Variants in COL7A1 observed in about 807,000 individuals in gnomAD.
The protein encoded by COL7A1 is collagen type VII alpha 1 chain.
In COL7A1, 296 loss-of-function variants were observed where a neutral mutation model predicts 456.2. The observed-to-expected ratio is 0.65, with a 90% confidence interval of 0.59 to 0.71. COL7A1 has a LOEUF of 0.71. Ranked by LOEUF, COL7A1 falls within the 30% of genes least tolerant of loss-of-function variation. COL7A1 has a pLI of 0.00. For missense variants in COL7A1, 3,441 were observed against 4,017.2 expected (o/e 0.86, Z 3.88); for synonymous variants, 1,464 against 1,525.9 (o/e 0.96, Z 0.95).
In COL7A1 at chr3:48,593,574, A is replaced by T; in HGVS notation, c.389T>A (p.Val130Asp). ...AGGTCGGGCCAGCTGGGGCAGGAAG[A>T]CATGGTCAGCCACATGGAGAATTGC... is the stretch of plus-strand genomic sequence containing the variant. ...GAAILHVADHVFLPQLARPGV... is the reference protein window; with the variant it reads ...GAAILHVADHDFLPQLARPGV... The change falls in exon 4 of 119, where the codon GTC becomes GAC. Residue 130 changes from valine to aspartate, a missense_variant. Val to Asp is a radical substitution (Grantham distance 152). Around this residue, in one of 3 missense-constraint regions of COL7A1, gnomAD observed 913 missense variants for 1,088.2 expected, o/e 0.84. Coordinates refer to ENST00000681320, the MANE Select transcript of COL7A1 (RefSeq NM_000094.4). The surrounding 1 kb of genome is among the most constrained non-coding windows in gnomAD (Gnocchi z 4.4). 6.2e-7 allele frequency: 1 copy of T among 1,614,172 alleles called. No homozygotes were observed. The highest frequency in any genetic ancestry group is 8.5e-7 in the Non-Finnish European group (1 of 1,180,024).
rs2045174729 is a variant in COL7A1 at position 48,585,501 on chromosome 3, C to A, written c.3894+56G>T. The A allele has an allele frequency of 1.1e-5, 18 of 1,580,552 alleles. No homozygotes were observed. Among genetic ancestry groups the A allele is most frequent in the Non-Finnish European group, 1.4e-5 (16 of 1,151,254 alleles). ...GCTTCTTCCTTCTCTCTTGTAAAAA[C>A]CCCGAGACAGCTTTGAGGAGTGCCT... On this transcript the variant is annotated intron_variant, in intron 32 of 118. Transcript: ENST00000681320. This position sits in a 1 kb window ranked among gnomAD's most constrained non-coding sequence, Gnocchi z 4.5.
In COL7A1 at chr3:48,594,310, T is replaced by C. The variant is rs969690347; in HGVS notation, c.266+58A>G. 1 of 1,586,112 alleles carries C rather than the reference T, an allele frequency of 6.3e-7. No individual in the cohort carries two copies. The highest frequency in any genetic ancestry group is 1.1e-5 in the South Asian group (1 of 90,494). ...GGGTTTCCAGGGTCTCCTCCCTCTC[T>C]GGGGAAGGAGTCTTGGTGGGGATCT... On this transcript the variant is annotated intron_variant, in intron 3 of 118. Coordinates refer to ENST00000681320, the MANE Select transcript of COL7A1 (RefSeq NM_000094.4). The surrounding 1 kb of genome is among the most constrained non-coding windows in gnomAD (Gnocchi z 5.5).
At position 48,590,202 on chromosome 3, in the gene COL7A1, C is replaced by A. The variant is rs1559430977; in HGVS notation, c.2050+11G>T. ...GAGGCAGAGAGCCAAGGGACGGGGG[C>A]AGGGCCTGACCCGTTCGAGCCACGA... On this transcript the variant is annotated intron_variant, in intron 16 of 118. Coordinates refer to ENST00000681320, the MANE Select transcript of COL7A1 (RefSeq NM_000094.4). This position sits in a 1 kb window ranked among gnomAD's most constrained non-coding sequence, Gnocchi z 4.6. 1 of 1,611,392 alleles carries A rather than the reference C, an allele frequency of 6.2e-7. No individual in the cohort carries two copies. Among genetic ancestry groups the A allele is most frequent in the East Asian group, 2.2e-5 (1 of 44,830 alleles).
In COL7A1 at chr3:48,566,374, G is replaced by A; in HGVS notation, c.8359-59C>T. 3.1e-6 allele frequency: 5 copies of A among 1,603,126 alleles called. No homozygotes were observed. Among genetic ancestry groups the A allele is most frequent in the Non-Finnish European group, 3.4e-6 (4 of 1,172,902 alleles). On this transcript the variant is annotated intron_variant, in intron 113 of 118. Coordinates refer to ENST00000681320, the MANE Select transcript of COL7A1 (RefSeq NM_000094.4). This position sits in a 1 kb window ranked among gnomAD's most constrained non-coding sequence, Gnocchi z 5.9. ...CCCATGGCCCACAGGAAGGACATAG[G>A]GCACATAATACAGGGACTATGGTGA...
In COL7A1 at chr3:48,582,297, C is replaced by T. The variant is rs969382899; in HGVS notation, c.4635+26G>A. ...CACTGCTCAAGGGCTGTGCTGTGCT[C>T]AGAGCGCCATCCTCCCGTCACTCAC... On this transcript the variant is annotated intron_variant, in intron 47 of 118. Coordinates refer to ENST00000681320, the MANE Select transcript of COL7A1 (RefSeq NM_000094.4). 3 of 1,613,792 alleles carry T rather than the reference C, an allele frequency of 1.9e-6. No individual in the cohort carries two copies. The African/African-American group carries it at 4.0e-5, about 22-fold the overall frequency.
chr3:48,582,288 T>G, intron 47 of COL7A1, 35 bp downstream of exon 47: 1 of 1,613,816 alleles, frequency 6.2e-7, no homozygotes, highest in Non-Finnish European at 8.5e-7. Flanking sequence ...TCAAGGGCTG[T>G]GCTGTGCTCA....
At position 48,588,850 on chromosome 3, in the gene COL7A1, G is replaced by A; in HGVS notation, c.2440+20C>T. The A allele has an allele frequency of 6.2e-7, 1 of 1,613,460 alleles. No homozygotes were observed. The highest frequency in any genetic ancestry group is 8.5e-7 in the Non-Finnish European group (1 of 1,180,038). ...GCAGTCCCAGCCAGGAAGGACAGGG[G>A]TGGCGTCAGGGAGCCATACCTTCAC... On this transcript the variant is annotated intron_variant, in intron 19 of 118. Transcript: ENST00000681320. This position sits in a 1 kb window ranked among gnomAD's most constrained non-coding sequence, Gnocchi z 4.6.
rs201597369 is a variant in COL7A1, at chr3:48,584,910, C to G, written c.4011G>C (p.Pro1337=). ...SPGLPGPRGD[P]GERGPRGPKG... Reference sequence around the variant, plus strand: ...GAGCAAAGAAGGGAAGGCACCTTACCGGGTCCCCACGAGGGCCAGGCAACC... The same window carrying G: ...GAGCAAAGAAGGGAAGGCACCTTACGGGGTCCCCACGAGGGCCAGGCAACC... Residue 1337 remains proline, a splice_region_variant and synonymous_variant, in exon 34 of 119, where the codon CCG becomes CCC. Transcript: ENST00000681320. 1.2e-6 allele frequency: 2 copies of G among 1,613,992 alleles called. No homozygotes were observed. The highest frequency in any genetic ancestry group is 1.7e-6 in the Non-Finnish European group (2 of 1,180,000).
At position 48,588,053 on chromosome 3, in the gene COL7A1, A is replaced by C; in HGVS notation, c.2711-114T>G. On this transcript the variant is annotated intron_variant, in intron 21 of 118. Transcript: ENST00000681320. This position sits in a 1 kb window ranked among gnomAD's most constrained non-coding sequence, Gnocchi z 4.6. ...TTAACTGGGTTCACCCTCCTGACTG[A>C]TCTTCCTCATCCTCACTGACCCTGC... 7.2e-7 allele frequency: 1 copy of C among 1,379,862 alleles called. No homozygotes were observed. The highest frequency in any genetic ancestry group is 9.9e-7 in the Non-Finnish European group (1 of 1,011,532). The allele number at this position is 1,379,862 out of a possible 1,614,324, so 85.5% of individuals were successfully genotyped here. A position where few individuals can be genotyped will look rare whatever the true frequency, so the allele number is the denominator to read the frequency against.
Position 48,567,691 on chromosome 3 carries a change from T to C in COL7A1, c.7983+19A>G. ...CCGTCCACCCGTGGCCCCCTCATTC[T>C]GAGCGTGCCCACACTCACCATCTCT... On this transcript the variant is annotated intron_variant, in intron 108 of 118. Transcript: ENST00000681320. The surrounding 1 kb of genome is among the most constrained non-coding windows in gnomAD (Gnocchi z 4.3). 1 of 1,614,080 alleles carries C rather than the reference T, an allele frequency of 6.2e-7. No individual in the cohort carries two copies. Among genetic ancestry groups the C allele is most frequent in the Non-Finnish European group, 8.5e-7 (1 of 1,180,006 alleles).
Position 48,589,589 on chromosome 3 carries a change from C to T in COL7A1, c.2170+10G>A. 6.2e-7 allele frequency: 1 copy of T among 1,613,602 alleles called. No homozygotes were observed. Among genetic ancestry groups the T allele is most frequent in the South Asian group, 1.1e-5 (1 of 91,068 alleles). Reference sequence around the variant, plus strand: ...CCCTGACCTGCCCCCTCCCAAACCCCAGTCCCCACCGTGGGCTGAGTGCCA... The same window carrying T: ...CCCTGACCTGCCCCCTCCCAAACCCTAGTCCCCACCGTGGGCTGAGTGCCA... On this transcript the variant is annotated intron_variant, in intron 17 of 118. Transcript: ENST00000681320.
At chr3:48,582,187 G>A in intron 47 of COL7A1, 136 bp downstream of exon 47, 1 of 1,518,342 alleles carries the variant, frequency 6.6e-7, no homozygotes, top group African/African-American at 1.4e-5. Context: ...GCAGGTTCTA[G>A]CAGAAGGAGA....
In COL7A1 at chr3:48,571,644, C is replaced by T. The variant is rs930966129; in HGVS notation, c.7068+357G>A. 2.8e-5 allele frequency: 18 copies of T among 652,684 alleles called. No individual in the cohort carries two copies. The highest frequency in any genetic ancestry group is 1.1e-4 in the African/African-American group (6 of 56,080). The allele number at this position is 652,684 out of a possible 1,614,324, so 40.4% of individuals were successfully genotyped here. A position where few individuals can be genotyped will look rare whatever the true frequency, so the allele number is the denominator to read the frequency against. On this transcript the variant is annotated intron_variant, in intron 92 of 118. Transcript: ENST00000681320. This position sits in a 1 kb window ranked among gnomAD's most constrained non-coding sequence, Gnocchi z 4.6. The stretch of plus-strand genomic sequence containing the variant: ...AGAGCAGGCATGGCCACAGGCTGAA[C>T]GCTGGCAGCCAGGGGCAGGGGAAAG...
In COL7A1 at chr3:48,573,124, CAAGGAGTGA is replaced by C; in HGVS notation, c.6714+41_6714+49del. On this transcript the variant is annotated intron_variant, in intron 85 of 118. Transcript: ENST00000681320. This position sits in a 1 kb window ranked among gnomAD's most constrained non-coding sequence, Gnocchi z 5.5. ...GGACGACATGAGAGAACATGGGCCCCAAGGAGTGAAAACACGGTGTCCCTACAGGGGCCA... is the reference window on the plus strand; with the variant it reads ...GGACGACATGAGAGAACATGGGCCCCAAACACGGTGTCCCTACAGGGGCCA... 1 of 1,614,032 alleles carries C rather than the reference CAAGGAGTGA, an allele frequency of 6.2e-7. No homozygotes were observed.
At position 48,575,070 on chromosome 3, in the gene COL7A1, GCCAGGGGGT is replaced by G; in HGVS notation, c.6264_6272del (p.Pro2090_Pro2092del). On this transcript the variant is annotated inframe_deletion, in exon 76 of 119. Transcript: ENST00000681320. The surrounding 1 kb of genome is among the most constrained non-coding windows in gnomAD (Gnocchi z 6.3). ...GCAGGGATGGGGTGATCACCTTGGG[GCCAGGGGGT>G]CCGGGGGGCCCAGGGGTTCCAGGGA... is the stretch of plus-strand genomic sequence containing the variant. The G allele has an allele frequency of 1.1e-5, 17 of 1,613,028 alleles. No homozygotes were observed. Among genetic ancestry groups the G allele is most frequent in the Non-Finnish European group, 1.4e-5 (17 of 1,179,248 alleles).
chr3:48,565,585 G>T lies in COL7A1; in HGVS notation c.8440+51C>A, dbSNP rs1345185771. On this transcript the variant is annotated intron_variant, in intron 115 of 118. Coordinates refer to ENST00000681320, the MANE Select transcript of COL7A1 (RefSeq NM_000094.4). This position sits in a 1 kb window ranked among gnomAD's most constrained non-coding sequence, Gnocchi z 4.5. ...CCCCTGAGAGGACCCCAGTTGATAG[G>T]CAGGGCAGGGCCTGGGGTGAAGAAA... 1.2e-6 allele frequency: 2 copies of T among 1,613,962 alleles called. No homozygotes were observed. Among genetic ancestry groups the T allele is most frequent in the Admixed American group, 1.7e-5 (1 of 60,004 alleles).
chr3:48,575,757 C>T lies in COL7A1; in HGVS notation c.5857-9G>A. ...TCCCGCAGGGCAGATGCCTGAGGGA[C>T]AGCAAGAGGTCAGAGGAGCGGGGTG... On this transcript the variant is annotated splice_polypyrimidine_tract_variant and intron_variant, in intron 72 of 118. Transcript: ENST00000681320. The surrounding 1 kb of genome is among the most constrained non-coding windows in gnomAD (Gnocchi z 6.3). 1 of 1,614,106 alleles carries T rather than the reference C, an allele frequency of 6.2e-7. No homozygotes were observed. Among genetic ancestry groups the T allele is most frequent in the Non-Finnish European group, 8.5e-7 (1 of 1,180,032 alleles).
At position 48,586,672 on chromosome 3, in the gene COL7A1, G is replaced by A. The variant is rs1241474192; in HGVS notation, c.3294C>T (p.Tyr1098=). 5 of 1,600,204 alleles carry A rather than the reference G, an allele frequency of 3.1e-6. No homozygotes were observed. Among genetic ancestry groups the A allele is most frequent in the Non-Finnish European group, 4.3e-6 (5 of 1,173,166 alleles). The change falls in exon 26 of 119, where the codon TAC becomes TAT. Residue 1098 remains tyrosine (Y), a synonymous_variant. Transcript: ENST00000681320. This position sits in a 1 kb window ranked among gnomAD's most constrained non-coding sequence, Gnocchi z 5.1. ...GGAACAGTGGGGAGGGCCGATGACT[G>A]TAAGACAGCAGGCCAACCTGGGGTG... is the stretch of plus-strand genomic sequence containing the variant. ...PQAVQVGLLS[Y]SHRPSPLFPL...
rs2107749547 is a variant in COL7A1, at chr3:48,586,505, T to C, written c.3404-27A>G. On this transcript the variant is annotated intron_variant, in intron 26 of 118. Transcript: ENST00000681320. The surrounding 1 kb of genome is among the most constrained non-coding windows in gnomAD (Gnocchi z 5.1). ...TGGAAGGAAGGACATGTCAGAACCCTGGGGCACCAAGCTCCCAGTGGATAG... is the reference window on the plus strand; with the variant it reads ...TGGAAGGAAGGACATGTCAGAACCCCGGGGCACCAAGCTCCCAGTGGATAG... 6.2e-7 allele frequency: 1 copy of C among 1,613,754 alleles called. No homozygotes were observed. Among genetic ancestry groups the C allele is most frequent in the Non-Finnish European group, 8.5e-7 (1 of 1,180,036 alleles).
Sources: allele counts gnomAD v4.1 joint callset, GRCh38; gene constraint gnomAD v4.1.1; regional missense constraint gnomAD v4.1.1; non-coding constraint Gnocchi (gnomAD v3.1); transcripts MANE v1.5; gene names NCBI Gene and HGNC (gene_info 2026-07-23, HGNC 2026-07-21).